SARM1: variants seen among roughly 807,000 people sequenced by gnomAD.
SARM1 encodes the protein sterile alpha and TIR motif containing 1.
Under a neutral mutation model 65.1 loss-of-function variants are expected in SARM1, and 60 were observed. The ratio of observed to expected loss-of-function variants is 0.92; its 90% CI spans 0.75 to 1.14. The LOEUF is 1.14. Among genes scored for constraint, SARM1 ranks in the 50% most tolerant of loss-of-function variants. SARM1 has a pLI of 0.00. For synonymous variants in SARM1, 417 were observed against 465.4 expected (o/e 0.90, Z 1.34); for missense variants, 913 against 1,015.7 (o/e 0.90, Z 1.37).
At chr17:28,388,316 A>T in intron 6 of SARM1, 34 bp from the exon 7 acceptor site, 5 of 1,609,038 alleles carry the variant, frequency 3.1e-6, no homozygotes, top group Non-Finnish European at 4.2e-6. Context: ...GCGTGGGGAC[A>T]AGGCTGTGGC....
rs144702486 is a variant in SARM1 at position 28,389,205 on chromosome 17, G to A, written c.1923+666G>A. ...GGCCTTGGGCAAGTTACTTAACCCC[G>A]ATAAGCTTCATATTTATTTCTGGAA... On this transcript the variant is annotated intron_variant, in intron 7 of 8. Transcript: ENST00000585482. 2.1e-3 allele frequency among the ~76,000 whole-genome samples: 327 copies of A among 152,234 alleles called. 4 individuals carry two copies. Among genetic ancestry groups the A allele is most frequent in the African/African-American group, 7.3e-3 (305 of 41,530 alleles).
At chr17:28,376,866 T>G (rs965725769) in intron 1 of SARM1, among the ~76,000 whole-genome samples, 13 of 152,036 alleles carry the variant, frequency 8.6e-5, no homozygotes, top group Non-Finnish European at 1.5e-4. Flanking sequence ...TTGGGCTCAC[T>G]GCAACCTCTG....
intron 1 of SARM1, among the ~76,000 whole-genome samples, chr17:28,376,292 C>T (rs1567805113): frequency 6.6e-6 from 1 of 151,116 alleles, no homozygotes; most frequent in Non-Finnish European, 1.5e-5. Context: ...GGGGCGGTGG[C>T]TCACGCCTGT....
At position 28,371,808 on chromosome 17, in the gene SARM1, C is replaced by G; in HGVS notation, c.-225C>G. ...CCTGCTCGCTCTCTCCTTTCGCCCACTCCCTGCATCTGGGCCTGCATCACC... is the reference window on the plus strand; with the variant it reads ...CCTGCTCGCTCTCTCCTTTCGCCCAGTCCCTGCATCTGGGCCTGCATCACC... On this transcript the variant is annotated 5_prime_UTR_variant, in exon 1 of 9. Coordinates refer to ENST00000585482, the MANE Select transcript of SARM1 (RefSeq NM_015077.4). 1 of 425,310 alleles carries G rather than the reference C, an allele frequency of 2.4e-6. No individual in the cohort carries two copies. The highest frequency in any genetic ancestry group is 4.2e-6 in the Non-Finnish European group (1 of 240,088). 26.3% of individuals were successfully genotyped at this position (425,310 alleles called of 1,614,324 possible).
Position 28,384,130 on chromosome 17 carries a change from G to A in SARM1, c.1090-227G>A, listed in dbSNP as rs2142430700. 6.6e-6 allele frequency among the ~76,000 whole-genome samples: 1 copy of A among 152,256 alleles called. No individual in the cohort carries two copies. Among genetic ancestry groups the A allele is most frequent in the African/African-American group, 2.4e-5 (1 of 41,544 alleles). The stretch of plus-strand genomic sequence containing the variant: ...TGCTGTAGAAGGGATATAAAGGAGG[G>A]ATAGGCCCCTCCGCCCCCAACCCAT... On this transcript the variant is annotated intron_variant, in intron 2 of 8. Coordinates refer to ENST00000585482, the MANE Select transcript of SARM1 (RefSeq NM_015077.4). This position sits in a 1 kb window ranked among gnomAD's most constrained non-coding sequence, Gnocchi z 4.4.
intron 1 of SARM1, among the ~76,000 whole-genome samples, chr17:28,379,127 G>A (rs1439027419): frequency 6.6e-6 from 1 of 152,082 alleles, no homozygotes; most frequent in African/African-American, 2.4e-5. Context: ...TCTAACAGGT[G>A]TAAAGTGGTA....
At position 28,400,497 on chromosome 17, in the gene SARM1, C is replaced by A; in HGVS notation, c.*4211C>A. On this transcript the variant is annotated 3_prime_UTR_variant, in exon 9 of 9. Transcript: ENST00000585482. The stretch of plus-strand genomic sequence containing the variant: ...GAGAGGGGCAACCTGGGACAAGACA[C>A]CCAGAGGGTAAGGATTCCAGGAATG... 2.1e-6 allele frequency: 3 copies of A among 1,435,358 alleles called. No individual in the cohort carries two copies. Among genetic ancestry groups the A allele is most frequent in the Admixed American group, 4.3e-5 (2 of 46,152 alleles). 88.9% of individuals were successfully genotyped at this position (1,435,358 alleles called of 1,614,324 possible).
Position 28,385,149 on chromosome 17 carries a change from A to C in SARM1, c.1504A>C (p.Thr502Pro), listed in dbSNP as rs782421919. 3.9e-5 allele frequency: 63 copies of C among 1,612,986 alleles called. No homozygotes were observed. Among genetic ancestry groups the C allele is most frequent in the Non-Finnish European group, 5.3e-5 (62 of 1,179,758 alleles). ...CCTGGACCCGCGCTTCCGCCAGTAC[A>C]CCTACGGCCTGGTCAGCTGCGGCCT... ...GSLDPRFRQY[T>P]YGLVSCGLDR... Residue 502 changes from threonine to proline, a missense_variant, in exon 5 of 9, where the codon ACC (threonine) becomes CCC (proline). Thr to Pro is a conservative substitution (Grantham distance 38). Around this residue, in one of 3 missense-constraint regions of SARM1, gnomAD observed 862 missense variants for 952.1 expected, o/e 0.91. Transcript: ENST00000585482. This position sits in a 1 kb window ranked among gnomAD's most constrained non-coding sequence, Gnocchi z 4.5.
chr17:28,372,526 G>A lies in SARM1; in HGVS notation c.470+24G>A. ...CGGTGAGCGCGCCAGGCCGGGGTTG[G>A]GAGAGCGCCGCGTGGTGTGGACAGT... On this transcript the variant is annotated intron_variant, in intron 1 of 8. Transcript: ENST00000585482. This position sits in a 1 kb window ranked among gnomAD's most constrained non-coding sequence, Gnocchi z 5.2. 1 of 1,500,066 alleles carries A rather than the reference G, an allele frequency of 6.7e-7. No homozygotes were observed. The highest frequency in any genetic ancestry group is 8.9e-7 in the Non-Finnish European group (1 of 1,128,794). 92.9% of individuals were successfully genotyped at this position (1,500,066 alleles called of 1,614,324 possible). A position where few individuals can be genotyped will look rare whatever the true frequency, so the allele number is the denominator to read the frequency against.
At position 28,402,005 on chromosome 17, in the gene SARM1, C is replaced by T. The variant is rs1019693426; in HGVS notation, c.*5719C>T. On this transcript the variant is annotated 3_prime_UTR_variant, in exon 9 of 9. Transcript: ENST00000585482. ...CTCTGCTCTGGTTATCTAGAAAGAA[C>T]ATAATTGTGCTCTGCTGACTGCAAA... is the stretch of plus-strand genomic sequence containing the variant. The T allele has an allele frequency of 2.6e-5, 12 of 453,552 alleles. No homozygotes were observed. Among genetic ancestry groups the T allele is most frequent in the South Asian group, 3.6e-5 (1 of 27,766 alleles). 28.1% of individuals were successfully genotyped at this position (453,552 alleles called of 1,614,324 possible).
chr17:28,388,178 G>T lies in SARM1; in HGVS notation c.1635G>T (p.Met545Ile). The change falls in exon 6 of 9, where the codon ATG (methionine) becomes ATT (isoleucine). Residue 545 changes from methionine (M) to isoleucine (I), a missense_variant. By Grantham distance (10) the Met-to-Ile change is conservative. Coordinates refer to ENST00000585482, the MANE Select transcript of SARM1 (RefSeq NM_015077.4). ...GCTGCCTATTGCCCACTTCAGAAAT[G>T]CTACACTCCCCGCTGCCCTGTACTG... ...RARILTAAREMLHSPLPCTGG... is the reference protein window; with the variant it reads ...RARILTAAREILHSPLPCTGG... 6.5e-7 allele frequency: 1 copy of T among 1,549,082 alleles called. No individual in the cohort carries two copies. The highest frequency in any genetic ancestry group is 8.7e-7 in the Non-Finnish European group (1 of 1,146,456).
chr17:28,382,821 G>A (rs1555585478), intron 2 of SARM1, among the ~76,000 whole-genome samples: 1 of 135,326 alleles, frequency 7.4e-6, no homozygotes, highest in East Asian at 2.2e-4. Flanking sequence ...CAAGTAGCTG[G>A]GACTACAAGC....
At chr17:28,387,957 G>A in intron 5 of SARM1, 2 of 576,594 alleles carry the variant, frequency 3.5e-6, no homozygotes, top group East Asian at 2.8e-5. Flanking sequence ...GCATATCAAT[G>A]TCCCTAGAAC....
At position 28,403,835 on chromosome 17, in the gene SARM1, A is replaced by G. The variant is rs1281958113; in HGVS notation, c.*7549A>G. Reference sequence around the variant, plus strand: ...GAGACCTGGACTGGGCAAAATGGTGAGGACCCCATCTCTATAAAAAATACA... The same window carrying G: ...GAGACCTGGACTGGGCAAAATGGTGGGGACCCCATCTCTATAAAAAATACA... On this transcript the variant is annotated 3_prime_UTR_variant, in exon 9 of 9. Transcript: ENST00000585482. 6.6e-6 allele frequency: 1 copy of G among 152,194 alleles called. No individual in the cohort carries two copies. The highest frequency in any genetic ancestry group is 1.5e-5 in the Non-Finnish European group (1 of 68,086). The allele number at this position is 152,194 out of a possible 1,614,324, so 9.4% of individuals were successfully genotyped here.
At chr17:28,392,596 A>G (rs782329974) in intron 7 of SARM1, among the ~76,000 whole-genome samples, 1 of 152,174 alleles carries the variant, frequency 6.6e-6, no homozygotes, top group Non-Finnish European at 1.5e-5. Flanking sequence ...AACAGCCTGG[A>G]CTTGGACTCT....
rs1555585154 is a variant in SARM1 at position 28,381,213 on chromosome 17, G to A, written c.481G>A (p.Ala161Thr). The A allele has an allele frequency of 6.2e-7, 1 of 1,600,260 alleles. No homozygotes were observed. The highest frequency in any genetic ancestry group is 1.7e-5 in the Admixed American group (1 of 58,204). The change falls in exon 2 of 9, where the codon GCG becomes ACG. Residue 161 changes from alanine to threonine, a missense_variant. Physicochemically the swap from Ala to Thr is moderately conservative, Grantham distance 58. This residue lies in a region of SARM1 where 862 missense variants were observed against 952.1 expected (regional missense o/e 0.91). Transcript: ENST00000585482. ...ILVAENRDRV[A>T]RIGLGVILNL... is the part of the protein sequence containing the mutation. ...ACTTTCACTGGGCAGAGACCGCGTG[G>A]CGCGCATTGGGCTGGGCGTGATCCT...
rs2068153006 is a variant in SARM1 at position 28,398,079 on chromosome 17, C to G, written c.*1793C>G. ...CACAAGTGCTCACCGGGGCCAGAGCCAGGGCATGGATATGACAAGCAGGGC... is the reference window on the plus strand; with the variant it reads ...CACAAGTGCTCACCGGGGCCAGAGCGAGGGCATGGATATGACAAGCAGGGC... On this transcript the variant is annotated 3_prime_UTR_variant, in exon 9 of 9. Transcript: ENST00000585482. 1 of 152,690 alleles carries G rather than the reference C, an allele frequency of 6.5e-6. No homozygotes were observed. Among genetic ancestry groups the G allele is most frequent in the African/African-American group, 2.4e-5 (1 of 41,598 alleles). The allele number at this position is 152,690 out of a possible 1,614,324, so 9.5% of individuals were successfully genotyped here. A position where few individuals can be genotyped will look rare whatever the true frequency, so the allele number is the denominator to read the frequency against.
At chr17:28,390,173 G>A (rs2068073088) in intron 7 of SARM1, among the ~76,000 whole-genome samples, 1 of 152,176 alleles carries the variant, frequency 6.6e-6, no homozygotes, top group South Asian at 2.1e-4. Context: ...GGGGCTTCCA[G>A]GCTATAGGTA....
At position 28,385,500 on chromosome 17, in the gene SARM1, A is replaced by G. The variant is rs1413033158; in HGVS notation, c.1630+225A>G. Reference sequence around the variant, plus strand: ...GCGGTGGGAGGAAGGAGGCTATTAAACAGGCAAGCGGCCCCGGCAGGAAGC... The same window carrying G: ...GCGGTGGGAGGAAGGAGGCTATTAAGCAGGCAAGCGGCCCCGGCAGGAAGC... On this transcript the variant is annotated intron_variant, in intron 5 of 8. Transcript: ENST00000585482. The surrounding 1 kb of genome is among the most constrained non-coding windows in gnomAD (Gnocchi z 4.5). 1.8e-6 allele frequency: 1 copy of G among 558,810 alleles called. No homozygotes were observed. 34.6% of individuals were successfully genotyped at this position (558,810 alleles called of 1,614,324 possible). A position where few individuals can be genotyped will look rare whatever the true frequency, so the allele number is the denominator to read the frequency against.
Sources: allele counts gnomAD v4.1 joint callset (sites outside exome capture counted in the v4.1 genomes callset), GRCh38; gene constraint gnomAD v4.1.1; regional missense constraint gnomAD v4.1.1; non-coding constraint Gnocchi (gnomAD v3.1); transcripts MANE v1.5; gene names NCBI Gene and HGNC (gene_info 2026-07-23, HGNC 2026-07-21).